MYRFL: variants seen among roughly 807,000 people sequenced by gnomAD.
MYRFL encodes the protein myelin regulatory factor like, also known as myelin regulatory factor-like protein.
A neutral mutation model predicts 109.4 loss-of-function variants in MYRFL; 88 were observed. That is an observed-to-expected ratio of 0.80 (90% CI 0.68 to 0.96). MYRFL has a LOEUF of 0.96. MYRFL is among the 40% of genes least tolerant of loss of function. MYRFL has a pLI of 0.00. For synonymous variants in MYRFL, 324 were observed against 320.9 expected, an observed-to-expected ratio of 1.01 and a Z score of -0.10; for missense variants, 957 against 954.9, an observed-to-expected ratio of 1.00 and a Z score of -0.03.
chr12:69,933,759 T>TATC (rs755792991), intron 16 of MYRFL, among the ~76,000 whole-genome samples: 14 of 152,328 alleles, frequency 9.2e-5, no homozygotes, highest in South Asian at 4.1e-4. Context: ...TGTGAACCTC[T>TATC]ATCTTAGTGG....
rs151210389 is a variant in MYRFL at position 69,910,615 on chromosome 12, C to T, written c.1493-206C>T. On this transcript the variant is annotated intron_variant, in intron 12 of 24. Transcript: ENST00000552032. ...GGGATTTTAAGGCACTTACCTCCCC[C>T]CTGTTGGCCCAGAGTCTCAAAAAAA... Among the ~76,000 whole-genome samples the T allele has an allele frequency of 9.5e-3, 1,417 of 148,636 alleles. 27 individuals are homozygous for T. The highest frequency in any genetic ancestry group is 0.033 in the African/African-American group (1,332 of 39,952).
At position 69,880,250 on chromosome 12, in the gene MYRFL, G is replaced by A; in HGVS notation, c.514G>A (p.Asp172Asn). The A allele has an allele frequency of 1.4e-6, 1 of 702,732 alleles. No individual in the cohort carries two copies. The highest frequency in any genetic ancestry group is 2.6e-6 in the Non-Finnish European group (1 of 384,788). The allele number at this position is 702,732 out of a possible 1,614,324, so 43.5% of individuals were successfully genotyped here. The change falls in exon 5 of 25, where the codon GAC becomes AAC. Residue 172 changes from aspartate to asparagine, a missense_variant. By Grantham distance (23) the Asp-to-Asn change is conservative. Coordinates refer to ENST00000552032, the MANE Select transcript of MYRFL (RefSeq NM_182530.3). ...GAGAAAGTGCACGCAGGCACTGGAG[G>A]ACTCCGGGGAATGCCGAGTGTGGGC... The part of the protein sequence containing the change: ...KKRKCTQALE[D>N]SGECRVWACH...
At chr12:69,873,115 T>C (rs1885451423) in intron 2 of MYRFL, among the ~76,000 whole-genome samples, 2 of 152,206 alleles carry the variant, frequency 1.3e-5, no homozygotes, top group South Asian at 4.1e-4. Context: ...TACAGTTTCA[T>C]GAATAGAAGA....
At position 69,825,532 on chromosome 12, in the gene MYRFL, C is replaced by A. The variant is rs769623911; in HGVS notation, c.15C>A (p.Gly5=). The change falls in exon 1 of 25, where the codon GGC becomes GGA. Residue 5 remains glycine, a synonymous_variant. Coordinates refer to ENST00000552032, the MANE Select transcript of MYRFL (RefSeq NM_182530.3). MDVV[G]ENEALQQFFE... is the part of the protein sequence containing the mutation. ...ATCACAGTACCATGGATGTGGTAGG[C>A]GAAAATGAGGCCCTGCAGCAGTTCT... 17 of 701,690 alleles carry A rather than the reference C, an allele frequency of 2.4e-5. No homozygotes were observed. Among genetic ancestry groups the A allele is most frequent in the South Asian group, 2.4e-4 (16 of 67,512 alleles). The allele number at this position is 701,690 out of a possible 1,614,324, so 43.5% of individuals were successfully genotyped here. A position where few individuals can be genotyped will look rare whatever the true frequency, so the allele number is the denominator to read the frequency against.
chr12:69,871,930 T>A (rs1337956019), intron 2 of MYRFL, among the ~76,000 whole-genome samples: 1 of 152,262 alleles, frequency 6.6e-6, no homozygotes, highest in Non-Finnish European at 1.5e-5. Context: ...TAGTGACTTT[T>A]TGGTTCTATC....
In MYRFL at chr12:69,914,264, T is replaced by C. The variant is rs1305844445; in HGVS notation, c.1602+3334T>C. On this transcript the variant is annotated intron_variant, in intron 13 of 24. Transcript: ENST00000552032. ...ATTATTTCTAGGGCCTATTTAGAGG[T>C]CCTTTTTTTGAAGTAAATTATTAGA... Among the ~76,000 whole-genome samples the C allele has an allele frequency of 5.9e-5, 9 of 152,166 alleles. No individual in the cohort carries two copies. The East Asian group carries it at 9.6e-4, about 16-fold the overall frequency.
At chr12:69,940,207 C>G (rs1022378516) in intron 19 of MYRFL, among the ~76,000 whole-genome samples, 2 of 151,936 alleles carry the variant, frequency 1.3e-5, no homozygotes, top group Non-Finnish European at 2.9e-5. Flanking sequence ...GAGAACACCA[C>G]AAAGATACTC....
intron 1 of MYRFL, among the ~76,000 whole-genome samples, chr12:69,833,195 A>T (rs1882739274): frequency 1.3e-5 from 2 of 152,104 alleles, no homozygotes; most frequent in South Asian, 4.2e-4. Flanking sequence ...ACAGATAGAG[A>T]AAAGGGTCCC....
intron 13 of MYRFL, 32 bp downstream of exon 13, chr12:69,910,962 G>A (rs1452256036): frequency 2.1e-6 from 3 of 1,457,650 alleles, no homozygotes; most frequent in Non-Finnish European, 2.8e-6. Context: ...GCTGCTATAA[G>A]CTATCAGTCT....
chr12:69,891,690 G>GTTCA (rs1199658772), intron 7 of MYRFL, among the ~76,000 whole-genome samples: 1 of 44,648 alleles, frequency 2.2e-5, no homozygotes, highest in Admixed American at 3.3e-4. Flanking sequence ...TCTTTCGTTC[G>GTTCA]TTCGTTCTTT....
At chr12:69,883,519 G>A (rs1886255483) in intron 5 of MYRFL, among the ~76,000 whole-genome samples, 1 of 152,156 alleles carries the variant, frequency 6.6e-6, no homozygotes, top group East Asian at 1.9e-4. Flanking sequence ...GCAAAGCACT[G>A]CCATTTGCAA....
chr12:69,953,067 G>C (rs1237655213), intron 21 of MYRFL, among the ~76,000 whole-genome samples, 181 bp downstream of exon 21: 2 of 152,144 alleles, frequency 1.3e-5, no homozygotes, highest in Non-Finnish European at 2.9e-5. Flanking sequence ...GTTGGTATTA[G>C]CAAATGTCAA....
At chr12:69,887,119 TC>T in intron 6 of MYRFL, 149 bp downstream of exon 6, 1 of 811,218 alleles carries the variant, frequency 1.2e-6, no homozygotes, top group Non-Finnish European at 1.8e-6. Context: ...ATTTTTTACA[TC>T]CTAACAAATA....
intron 19 of MYRFL, 73 bp downstream of exon 19, chr12:69,936,705 A>C: frequency 1.5e-6 from 2 of 1,302,202 alleles, no homozygotes; most frequent in Non-Finnish European, 2.0e-6. Context: ...ATTTACTTAG[A>C]TGGTCATTAA....
chr12:69,851,884 A>G (rs956975517), intron 1 of MYRFL, among the ~76,000 whole-genome samples: 6 of 151,916 alleles, frequency 3.9e-5, no homozygotes, highest in Non-Finnish European at 7.4e-5. Flanking sequence ...CTGGTCTCCA[A>G]CTCCTGAGTT....
chr12:69,853,707 C>T (rs187195519), intron 1 of MYRFL, among the ~76,000 whole-genome samples: 11 of 148,526 alleles, frequency 7.4e-5, no homozygotes, highest in East Asian at 2.0e-4. Context: ...ACTTCCCAGA[C>T]GGGGAGGCAG....
chr12:69,903,924 C>T (rs1954272604), intron 11 of MYRFL, 80 bp downstream of exon 11: 2 of 1,269,438 alleles, frequency 1.6e-6, no homozygotes, highest in African/African-American at 1.5e-5. Context: ...TCTGACACAC[C>T]TTGAACCGCA....
At chr12:69,939,103 C>T (rs1439463342) in intron 19 of MYRFL, among the ~76,000 whole-genome samples, 68 of 152,196 alleles carry the variant, frequency 4.5e-4, no homozygotes, top group Non-Finnish European at 9.0e-4. Flanking sequence ...AAGGCGGCAG[C>T]GAGGCTGGGG....
intron 19 of MYRFL, among the ~76,000 whole-genome samples, chr12:69,947,750 C>G (rs910592430): frequency 1.3e-5 from 2 of 152,108 alleles, no homozygotes; most frequent in South Asian, 2.1e-4. Context: ...AAATGGTCCC[C>G]CATTTTAAAG....
Sources: allele counts gnomAD v4.1 joint callset (sites outside exome capture counted in the v4.1 genomes callset), GRCh38; gene constraint gnomAD v4.1.1; transcripts MANE v1.5; gene names NCBI Gene and HGNC (gene_info 2026-07-23, HGNC 2026-07-21).